DAB1: variants seen among roughly 807,000 people sequenced by gnomAD.
The protein encoded by DAB1 is disabled homolog 1.
In DAB1, 15 loss-of-function variants were observed where a neutral mutation model predicts 64.6. The observed-to-expected ratio is 0.23, with a 90% confidence interval of 0.16 to 0.36. DAB1 has a LOEUF of 0.36. DAB1 is among the 10% of genes least tolerant of loss of function. The pLI, the probability that DAB1 is intolerant of heterozygous loss-of-function variation, is 1.00. For synonymous variants in DAB1, 235 were observed against 251.9 expected (o/e 0.93, Z 0.64); for missense variants, 596 against 706.7 (o/e 0.84, Z 1.78).
At chr1:58,094,384 T>C (rs1650862470) in intron 5 of DAB1, among the ~76,000 whole-genome samples, 1 of 152,260 alleles carries the variant, frequency 6.6e-6, no homozygotes, top group Non-Finnish European at 1.5e-5. Flanking sequence ...TGAGCCAAGT[T>C]TGTAAGATTT....
intron 4 of DAB1, among the ~76,000 whole-genome samples, chr1:57,106,438 G>A (rs554195915): frequency 5.2e-4 from 79 of 152,204 alleles, no homozygotes; most frequent in African/African-American, 1.9e-3. Context: ...CAAGTTTGGC[G>A]GGGTGCACAG....
chr1:57,737,610 T>C (rs998293143), intron 6 of DAB1, among the ~76,000 whole-genome samples: 2 of 152,146 alleles, frequency 1.3e-5, no homozygotes, highest in Non-Finnish European at 2.9e-5. Flanking sequence ...TGGGATACAA[T>C]AGTGAGCAGG....
chr1:58,313,986 A>T lies in DAB1; in HGVS notation n.309+29366T>A, dbSNP rs1253514266. ...ATATGAATTTGGTGGGTACCCAAGCATTCAGTCCACAGCACATAGCATGAA... is the reference window on the plus strand; with the variant it reads ...ATATGAATTTGGTGGGTACCCAAGCTTTCAGTCCACAGCACATAGCATGAA... On this transcript the variant is annotated intron_variant and non_coding_transcript_variant, in intron 4 of 20. Transcript: ENST00000485760. Among the ~76,000 whole-genome samples the T allele has an allele frequency of 2.0e-5, 3 of 152,126 alleles. No individual in the cohort carries two copies. The East Asian group carries it at 5.8e-4, about 29-fold the overall frequency.
Position 58,185,187 on chromosome 1 carries a change from T to C in DAB1, n.310-34599A>G, listed in dbSNP as rs373803651. 3.9e-5 allele frequency among the ~76,000 whole-genome samples: 6 copies of C among 152,340 alleles called. 2 individuals carry two copies. Among genetic ancestry groups the C allele is most frequent in the African/African-American group, 1.2e-4 (5 of 41,590 alleles). On this transcript the variant is annotated intron_variant and non_coding_transcript_variant, in intron 4 of 20. Coordinates refer to the DAB1 transcript ENST00000485760. ...AATCGGCATATTCTAGTCTGGGTCC[T>C]ACTCATCAATCTGTCTCAAAGTAAC...
At chr1:57,187,816 G>A (rs1038991191) in intron 2 of DAB1, among the ~76,000 whole-genome samples, 2 of 152,020 alleles carry the variant, frequency 1.3e-5, no homozygotes, top group East Asian at 1.9e-4. Context: ...TTGTCTCAGC[G>A]CTGATTGAGT....
chr1:57,650,851 T>G (rs1646248092), intron 6 of DAB1, among the ~76,000 whole-genome samples: 1 of 152,122 alleles, frequency 6.6e-6, no homozygotes, highest in East Asian at 1.9e-4. Flanking sequence ...CATCTCTGCC[T>G]CCCCTGTTTG....
intron 5 of DAB1, chr1:58,074,519 T>C (rs12089158): frequency 8.4e-6 from 1 of 118,950 alleles, no homozygotes. Context: ...TTCTAATATA[T>C]ATACATATAT....
intron 9 of DAB1, among the ~76,000 whole-genome samples, chr1:57,029,699 T>C (rs1288931053): frequency 1.3e-5 from 2 of 152,138 alleles, no homozygotes; most frequent in Non-Finnish European, 2.9e-5. Context: ...TTTTGGAGCT[T>C]TAAAATTTGA....
intron 7 of DAB1, among the ~76,000 whole-genome samples, chr1:57,490,839 G>A (rs1349175434): frequency 6.6e-6 from 1 of 152,174 alleles, no homozygotes; most frequent in East Asian, 1.9e-4. Flanking sequence ...GTAGAGAGTT[G>A]ATACAAATGA....
intron 4 of DAB1, among the ~76,000 whole-genome samples, chr1:58,273,335 GC>G (rs1236634735): frequency 6.0e-5 from 1 of 16,792 alleles, no homozygotes; most frequent in Non-Finnish European, 1.3e-4. Context: ...TTGAATATTG[GC>G]CCCCACTCTC....
intron 1 of DAB1, among the ~76,000 whole-genome samples, chr1:57,325,966 G>A (rs754100353): frequency 1.5e-4 from 23 of 152,180 alleles, no homozygotes; most frequent in Admixed American, 5.9e-4. Flanking sequence ...CTAAGTAATT[G>A]CTTGACTTCT....
intron 3 of DAB1, chr1:58,473,858 C>G (rs1042621744): frequency 1.5e-6 from 1 of 650,064 alleles, no homozygotes; most frequent in South Asian, 1.5e-5. Context: ...TCCTAGCCTG[C>G]GTTTCCTTCA....
At chr1:57,600,888 A>T (rs1195915831) in intron 7 of DAB1, among the ~76,000 whole-genome samples, 2 of 152,154 alleles carry the variant, frequency 1.3e-5, no homozygotes, top group Non-Finnish European at 2.9e-5. Context: ...AGGGGGAAAA[A>T]AGTTCAATAA....
intron 5 of DAB1, among the ~76,000 whole-genome samples, chr1:58,064,685 T>C (rs909263945): frequency 4.4e-5 from 5 of 113,700 alleles, no homozygotes; most frequent in East Asian, 3.8e-4. Context: ...ATAAATTTTT[T>C]TATTTATTTA....
intron 5 of DAB1, among the ~76,000 whole-genome samples, chr1:57,971,118 G>A (rs1408396872): frequency 1.3e-5 from 2 of 152,162 alleles, no homozygotes; most frequent in Non-Finnish European, 2.9e-5. Context: ...CATTCTGAGA[G>A]GTCAGTTTGT....
chr1:58,122,184 A>T lies in DAB1; in HGVS notation n.387+28327T>A, dbSNP rs115645410. On this transcript the variant is annotated intron_variant and non_coding_transcript_variant, in intron 5 of 20. Coordinates refer to the DAB1 transcript ENST00000485760. ...TCTGGCAACATCTGGAACCAAAGAG[A>T]ATATCTTAGTATCTTAAGCACTATG... Among the ~76,000 whole-genome samples, 191 of 152,302 alleles carry T rather than the reference A, an allele frequency of 1.3e-3. 1 individual carries two copies. Among genetic ancestry groups the T allele is most frequent in the African/African-American group, 4.5e-3 (185 of 41,572 alleles).
At chr1:58,230,831 T>C (rs1162086314) in intron 4 of DAB1, among the ~76,000 whole-genome samples, 1 of 152,222 alleles carries the variant, frequency 6.6e-6, no homozygotes, top group Non-Finnish European at 1.5e-5. Context: ...ACTTAGTCTC[T>C]CTAAGCCTCC....
intron 2 of DAB1, among the ~76,000 whole-genome samples, chr1:57,222,902 C>T (rs1053059443): frequency 3.9e-5 from 6 of 152,136 alleles, no homozygotes; most frequent in Non-Finnish European, 7.3e-5. Flanking sequence ...TGCACTTGTT[C>T]ATACTTTATC....
intron 7 of DAB1, among the ~76,000 whole-genome samples, chr1:57,601,532 G>C (rs1393694614): frequency 1.3e-5 from 2 of 152,090 alleles, no homozygotes; most frequent in African/African-American, 4.8e-5. Flanking sequence ...TGCGCCTCCA[G>C]ACTGGAGTCT....
Sources: allele counts gnomAD v4.1 joint callset (sites outside exome capture counted in the v4.1 genomes callset), GRCh38; gene constraint gnomAD v4.1.1; transcripts MANE v1.5; gene names NCBI Gene and HGNC (gene_info 2026-07-23, HGNC 2026-07-21).